The following ITPR1 variants were observed in gnomAD, a reference collection of about 807,000 sequenced individuals.
ITPR1 encodes the protein inositol 1,4,5-trisphosphate receptor type 1.
ITPR1 carries 96 observed loss-of-function variants against 318.4 expected under a neutral mutation model. The observed-to-expected ratio is 0.30, with a 90% CI of 0.26 to 0.36. The LOEUF (loss-of-function observed/expected upper bound fraction) is 0.36. Among genes scored for constraint, ITPR1 ranks in the 10% least tolerant of loss-of-function variants. ITPR1 has a pLI of 1.00. For missense variants in ITPR1, 2,440 were observed against 3,460.2 expected (o/e 0.71, Z 7.40); for synonymous variants, 1,312 against 1,289.9 (o/e 1.02, Z -0.37).
At chr3:4,502,199 A>G (rs1353979166) in intron 2 of ITPR1, among the ~76,000 whole-genome samples, 1 of 151,948 alleles carries the variant, frequency 6.6e-6, no homozygotes, top group Non-Finnish European at 1.5e-5. Context: ...ACCTCGCCAG[A>G]TCCTTCTATT....
chr3:4,542,378 A>G (rs973008895), intron 4 of ITPR1, among the ~76,000 whole-genome samples: 1 of 152,144 alleles, frequency 6.6e-6, no homozygotes, highest in Admixed American at 6.5e-5. Context: ...TCCCCAGAAA[A>G]TTGTTTCCTT....
chr3:4,765,475 A>G (rs775451015), intron 44 of ITPR1, among the ~76,000 whole-genome samples: 1 of 152,126 alleles, frequency 6.6e-6, no homozygotes, highest in Non-Finnish European at 1.5e-5. Context: ...TGAATCAGGC[A>G]TTGGGGTGTG....
intron 4 of ITPR1, among the ~76,000 whole-genome samples, chr3:4,615,550 AT>A (rs1442465096): frequency 2.6e-5 from 4 of 151,570 alleles, no homozygotes; most frequent in African/African-American, 9.7e-5. Context: ...CTAATTTTGT[AT>A]TTTTAGTAGA....
chr3:4,666,906 A>G (rs983020518), intron 17 of ITPR1, among the ~76,000 whole-genome samples: 1 of 152,182 alleles, frequency 6.6e-6, no homozygotes, highest in Non-Finnish European at 1.5e-5. Flanking sequence ...CTACTCATTG[A>G]CTTTAAAAAA....
At chr3:4,672,461 A>G (rs1471746235) in intron 20 of ITPR1, among the ~76,000 whole-genome samples, 1 of 152,248 alleles carries the variant, frequency 6.6e-6, no homozygotes, top group Non-Finnish European at 1.5e-5. Context: ...CAGTATTTTG[A>G]AAGCCTGTGG....
At chr3:4,661,272 CT>C (rs2093827044) in intron 14 of ITPR1, among the ~76,000 whole-genome samples, 185 bp downstream of exon 14, 1 of 152,198 alleles carries the variant, frequency 6.6e-6, no homozygotes, top group African/African-American at 2.4e-5. Flanking sequence ...AAACCCAGGG[CT>C]TTTGAAATAA....
At position 4,667,264 on chromosome 3, in the gene ITPR1, G is replaced by T. The variant is rs115710089; in HGVS notation, c.1714-113G>T. On this transcript the variant is annotated intron_variant, in intron 17 of 61. Transcript: ENST00000649015. ...GGAAGACCCTCCCTTATACTGTAAT[G>T]TCTCTTAGGGGCAGTAGTTCTCATC... 1,873 of 738,368 alleles carry T rather than the reference G, an allele frequency of 2.5e-3. 28 individuals carry two copies. The highest frequency in any genetic ancestry group is 0.025 in the African/African-American group (1,402 of 55,500). 45.7% of individuals were successfully genotyped at this position (738,368 alleles called of 1,614,324 possible).
chr3:4,680,094 G>C (rs2094267483), intron 24 of ITPR1, among the ~76,000 whole-genome samples: 1 of 152,180 alleles, frequency 6.6e-6, no homozygotes, highest in African/African-American at 2.4e-5. Context: ...CAAACCAGGG[G>C]AAACAACCAG....
At chr3:4,671,206 G>A (rs137924408) in intron 20 of ITPR1, among the ~76,000 whole-genome samples, 6 of 152,298 alleles carry the variant, frequency 3.9e-5, no homozygotes, top group Non-Finnish European at 5.9e-5. Context: ...TGGTAGGTAC[G>A]TAAGAGGCAG....
intron 61 of ITPR1, among the ~76,000 whole-genome samples, chr3:4,844,662 C>A (rs915736443): frequency 3.3e-5 from 5 of 152,166 alleles, no homozygotes; most frequent in African/African-American, 1.2e-4. Flanking sequence ...TCTGTGGATA[C>A]AGTGTAGTGT....
chr3:4,523,753 A>T (rs142327042), intron 4 of ITPR1, among the ~76,000 whole-genome samples: 62 of 152,294 alleles, frequency 4.1e-4, no homozygotes, highest in Non-Finnish European at 2.1e-4. Context: ...TGAACCAGGG[A>T]CTGTTTGAAT....
chr3:4,697,317 TGTGTGTGTGTG>T, intron 34 of ITPR1, 45 bp downstream of exon 34: 1 of 881,354 alleles, frequency 1.1e-6, no homozygotes, highest in African/African-American at 2.8e-5. Flanking sequence ...GAGTGAGAGG[TGTGTGTGTGTG>T]TGTGTGTGTG....
intron 46 of ITPR1, among the ~76,000 whole-genome samples, chr3:4,774,827 G>A (rs947225114): frequency 3.3e-5 from 5 of 152,150 alleles, no homozygotes; most frequent in Non-Finnish European, 5.9e-5. Flanking sequence ...GCTGGGCTCC[G>A]GGCATTCAGC....
chr3:4,700,318 G>A (rs1019980713), intron 35 of ITPR1, among the ~76,000 whole-genome samples: 7 of 152,182 alleles, frequency 4.6e-5, no homozygotes, highest in African/African-American at 1.7e-4. Context: ...CAGACTATAA[G>A]CTACATGAAG....
rs1397511439 is a variant in ITPR1, at chr3:4,710,670, T to G, written c.4991+197T>G. Among the ~76,000 whole-genome samples, 3 of 152,158 alleles carry G rather than the reference T, an allele frequency of 2.0e-5. No homozygotes were observed. The highest frequency in any genetic ancestry group is 7.2e-5 in the African/African-American group (3 of 41,412). On this transcript the variant is annotated intron_variant, in intron 38 of 61. Transcript: ENST00000649015. This position sits in a 1 kb window ranked among gnomAD's most constrained non-coding sequence, Gnocchi z 4.2. ...GCTTACTGACACTTTTTTGTTTTGTTTTGTTTTGCTTTGTTTTTTGGTGAG... is the reference window on the plus strand; with the variant it reads ...GCTTACTGACACTTTTTTGTTTTGTGTTGTTTTGCTTTGTTTTTTGGTGAG...
At chr3:4,526,734 G>T (rs2083009851) in intron 4 of ITPR1, among the ~76,000 whole-genome samples, 1 of 152,188 alleles carries the variant, frequency 6.6e-6, no homozygotes, top group African/African-American at 2.4e-5. Flanking sequence ...TGGGTAACTT[G>T]CCCATAGTCA....
chr3:4,594,854 G>A (rs145943064), intron 4 of ITPR1, among the ~76,000 whole-genome samples: 9 of 152,302 alleles, frequency 5.9e-5, no homozygotes, highest in Admixed American at 6.5e-5. Flanking sequence ...TGAGTACTGA[G>A]TATGCAGCAG....
intron 44 of ITPR1, chr3:4,750,241 T>A (rs1041277351): frequency 1.4e-5 from 2 of 145,046 alleles, no homozygotes; most frequent in Admixed American, 6.8e-5. Flanking sequence ...GCTGGTGGAT[T>A]TTTTTTTTTT....
intron 44 of ITPR1, among the ~76,000 whole-genome samples, chr3:4,738,048 C>T (rs2043403853): frequency 6.6e-6 from 1 of 152,152 alleles, no homozygotes; most frequent in Non-Finnish European, 1.5e-5. Context: ...ACGACGCCCA[C>T]TGGGGCTTTT....
Sources: gnomAD v4.1 joint callset for allele counts (sites outside exome capture counted in the v4.1 genomes callset) on GRCh38, gnomAD v4.1.1 for gene constraint, Gnocchi (gnomAD v3.1) non-coding constraint, MANE v1.5 for transcripts, NCBI Gene and HGNC (gene_info 2026-07-23, HGNC 2026-07-21) for gene names.